Variants in RIC1 observed in about 807,000 individuals in gnomAD.
RIC1 encodes the protein RIC1 partner of RAB6A GEF complex.
In RIC1, 88 loss-of-function variants were observed where a neutral mutation model predicts 169.0. That is an observed-to-expected ratio of 0.52 (90% CI 0.44 to 0.62). The LOEUF (loss-of-function observed/expected upper bound fraction) is 0.62. Among genes scored for constraint, RIC1 ranks in the 20% least tolerant of loss-of-function variants. The pLI, the probability that RIC1 is intolerant of heterozygous loss-of-function variation, is 0.00. For missense variants in RIC1, 1,877 were observed against 1,725.5 expected, an observed-to-expected ratio of 1.09 and a Z score of -1.56; for synonymous variants, 790 against 601.5, an observed-to-expected ratio of 1.31 and a Z score of -4.59.
intron 8 of RIC1, among the ~76,000 whole-genome samples, chr9:5,741,258 G>T (rs1354862269): frequency 6.6e-6 from 1 of 152,096 alleles, no homozygotes; most frequent in Admixed American, 6.6e-5. Flanking sequence ...TTCAGATCTT[G>T]TCTTTGTTTT....
chr9:5,719,176 C>G (rs1823442241), intron 4 of RIC1: 1 of 152,098 alleles, frequency 6.6e-6, no homozygotes, highest in African/African-American at 2.4e-5. Context: ...CTACTGGTTT[C>G]CCTGGTTGTC....
Position 5,762,608 on chromosome 9 carries a change from C to T in RIC1, c.2060C>T (p.Ser687Leu), listed in dbSNP as rs1826416286. 3.1e-6 allele frequency: 5 copies of T among 1,613,866 alleles called. No individual in the cohort carries two copies. Among genetic ancestry groups the T allele is most frequent in the Non-Finnish European group, 4.2e-6 (5 of 1,179,934 alleles). ...GQLIMMQRDRSGPQIREKDSN... is the reference protein window; with the variant it reads ...GQLIMMQRDRLGPQIREKDSN... Reference sequence around the variant, plus strand: ...CTCATCATGATGCAGAGGGACAGGTCAGGCCCACAGATCCGGGAGAAGGAC... The same window carrying T: ...CTCATCATGATGCAGAGGGACAGGTTAGGCCCACAGATCCGGGAGAAGGAC... The change falls in exon 18 of 26, where the codon TCA becomes TTA. Residue 687 changes from serine (S) to leucine (L), a missense_variant. Physicochemically the swap from Ser to Leu is moderately radical, Grantham distance 145. Transcript: ENST00000414202.
intron 1 of RIC1, among the ~76,000 whole-genome samples, chr9:5,642,407 G>C (rs1390304189): frequency 6.9e-6 from 1 of 144,760 alleles, no homozygotes; most frequent in Admixed American, 6.7e-5. Flanking sequence ...TACCACCTAT[G>C]TTCACTCAAG....
chr9:5,689,212 C>G (rs1002449685), intron 2 of RIC1, among the ~76,000 whole-genome samples: 1 of 151,834 alleles, frequency 6.6e-6, no homozygotes, highest in African/African-American at 2.4e-5. Context: ...CCACGCCCGG[C>G]TAATTTTTTT....
chr9:5,629,281 C>G lies in RIC1; in HGVS notation c.-29C>G. On this transcript the variant is annotated 5_prime_UTR_variant, in exon 1 of 26. Coordinates refer to ENST00000414202, the MANE Select transcript of RIC1 (RefSeq NM_020829.4). ...GGGCCGCTGAGTGTGACGGACGCAA[C>G]TGGGGGCGCCGGGGGCTCCGCACGG... 2 of 1,465,744 alleles carry G rather than the reference C, an allele frequency of 1.4e-6. No homozygotes were observed. Among genetic ancestry groups the G allele is most frequent in the East Asian group, 2.9e-5 (1 of 34,060 alleles). 90.8% of individuals were successfully genotyped at this position (1,465,744 alleles called of 1,614,324 possible). A position where few individuals can be genotyped will look rare whatever the true frequency, so the allele number is the denominator to read the frequency against.
At chr9:5,734,647 T>A in intron 7 of RIC1, among the ~76,000 whole-genome samples, 1 of 152,216 alleles carries the variant, frequency 6.6e-6, no homozygotes, top group Non-Finnish European at 1.5e-5. Flanking sequence ...CACAACTGGA[T>A]CAGTAAATAG....
At chr9:5,691,114 A>G (rs542907276) in intron 3 of RIC1, among the ~76,000 whole-genome samples, 1 of 152,022 alleles carries the variant, frequency 6.6e-6, no homozygotes, top group Non-Finnish European at 1.5e-5. Context: ...ACTGTGGTAC[A>G]TCCTTCTCTT....
At chr9:5,744,597 T>C (rs1197711178) in intron 10 of RIC1, among the ~76,000 whole-genome samples, 1 of 152,154 alleles carries the variant, frequency 6.6e-6, no homozygotes, top group Non-Finnish European at 1.5e-5. Flanking sequence ...GCACATAGAC[T>C]GAAGCTAATG....
intron 10 of RIC1, among the ~76,000 whole-genome samples, chr9:5,745,472 A>G (rs1233210235): frequency 6.6e-6 from 1 of 152,316 alleles, no homozygotes; most frequent in East Asian, 1.9e-4. Flanking sequence ...CCAAGCTATA[A>G]TGAAGACTCT....
Position 5,747,311 on chromosome 9 carries a change from G to A in RIC1, c.1258G>A (p.Glu420Lys). ...LTVNPCMSNQEQVLLQGEDRL... is the reference protein window; with the variant it reads ...LTVNPCMSNQKQVLLQGEDRL... ...TCTTTCCCTCATTTAGAGTAACCAAGAGCAGGTGTTGCTTCAGGGTGAGGA... is the reference window on the plus strand; with the variant it reads ...TCTTTCCCTCATTTAGAGTAACCAAAAGCAGGTGTTGCTTCAGGGTGAGGA... The change falls in exon 12 of 26, where the codon GAG becomes AAG. Residue 420 changes from glutamate (E) to lysine (K), a missense_variant. Glu to Lys is a moderately conservative substitution (Grantham distance 56). Transcript: ENST00000414202. The A allele has an allele frequency of 6.2e-7, 1 of 1,613,884 alleles. No homozygotes were observed.
chr9:5,644,320 A>G (rs954892187), intron 1 of RIC1, among the ~76,000 whole-genome samples: 1 of 152,126 alleles, frequency 6.6e-6, no homozygotes, highest in Non-Finnish European at 1.5e-5. Context: ...CATATGGTAT[A>G]TGGTCATTTG....
At chr9:5,724,763 G>C (rs1004600678) in intron 6 of RIC1, among the ~76,000 whole-genome samples, 19 of 152,052 alleles carry the variant, frequency 1.2e-4, no homozygotes, top group African/African-American at 3.6e-4. Flanking sequence ...CTTTTTAGCA[G>C]GAAGGACTGT....
At position 5,763,544 on chromosome 9, in the gene RIC1, C is replaced by T. The variant is rs753611714; in HGVS notation, c.2517C>T (p.Asn839=). Residue 839 remains asparagine, a synonymous_variant, in exon 19 of 26, where the codon AAC becomes AAT. Transcript: ENST00000414202. This position sits in a 1 kb window ranked among gnomAD's most constrained non-coding sequence, Gnocchi z 5.2. ...HHILRQLLVR[N]LGEQALLLAQ... ...TTCTACGTCAACTTCTGGTCAGAAACCTTGGGGAGCAAGCCTTGCTCTTGG... is the reference window on the plus strand; with the variant it reads ...TTCTACGTCAACTTCTGGTCAGAAATCTTGGGGAGCAAGCCTTGCTCTTGG... 2 of 1,614,178 alleles carry T rather than the reference C, an allele frequency of 1.2e-6. No individual in the cohort carries two copies. The highest frequency in any genetic ancestry group is 1.7e-6 in the Non-Finnish European group (2 of 1,180,024).
At chr9:5,633,941 G>A (rs1817846036) in intron 1 of RIC1, among the ~76,000 whole-genome samples, 1 of 152,052 alleles carries the variant, frequency 6.6e-6, no homozygotes, top group Non-Finnish European at 1.5e-5. Flanking sequence ...TCTATTCTCT[G>A]TTCCTATGAA....
intron 12 of RIC1, among the ~76,000 whole-genome samples, chr9:5,752,146 GA>G (rs1825759348): frequency 6.6e-6 from 1 of 152,126 alleles, no homozygotes; most frequent in African/African-American, 2.4e-5. Flanking sequence ...TATTTAAATT[GA>G]AAGGTGTTGT....
At chr9:5,747,066 G>C (rs1375917787) in intron 11 of RIC1, among the ~76,000 whole-genome samples, 4 of 152,152 alleles carry the variant, frequency 2.6e-5, no homozygotes, top group Non-Finnish European at 5.9e-5. Context: ...TCACCTTTGA[G>C]AACACTGGCT....
At chr9:5,632,780 T>C (rs1817778692) in intron 1 of RIC1, among the ~76,000 whole-genome samples, 1 of 152,180 alleles carries the variant, frequency 6.6e-6, no homozygotes, top group Non-Finnish European at 1.5e-5. Context: ...TTACATTTTG[T>C]ACTGTACTGA....
At chr9:5,716,962 C>G (rs535171853) in intron 4 of RIC1, among the ~76,000 whole-genome samples, 8 of 152,178 alleles carry the variant, frequency 5.3e-5, no homozygotes, top group Non-Finnish European at 1.2e-4. Flanking sequence ...CAAGCCACCA[C>G]GCCTGGCTCA....
At chr9:5,718,489 G>T (rs1823401926) in intron 4 of RIC1, among the ~76,000 whole-genome samples, 1 of 152,124 alleles carries the variant, frequency 6.6e-6, no homozygotes, top group South Asian at 2.1e-4. Flanking sequence ...AAGGAAGAAA[G>T]CTAATCTATA....
Sources: gnomAD v4.1 joint callset for allele counts (sites outside exome capture counted in the v4.1 genomes callset) on GRCh38, gnomAD v4.1.1 for gene constraint, Gnocchi (gnomAD v3.1) non-coding constraint, MANE v1.5 for transcripts, NCBI Gene and HGNC (gene_info 2026-07-23, HGNC 2026-07-21) for gene names.